The following OR1J2 variants were observed in gnomAD, a reference collection of about 807,000 sequenced individuals.
OR1J2 encodes olfactory receptor family 1 subfamily J member 2, also known as olfactory receptor 1J2.
For missense variants in OR1J2, 304 were observed against 246.1 expected (o/e 1.24, Z -1.57); for synonymous variants, 142 against 99.7 (o/e 1.42, Z -2.52).
At chr9:122,523,843 G>A in the OR1J2 span, among the ~76,000 whole-genome samples, 1 of 152,136 alleles carries the variant, frequency 6.6e-6, no homozygotes, top group African/African-American at 2.4e-5. Context: ...ATAGGCAAGG[G>A]GCACTGGGAA....
At chr9:122,569,828 C>G in the OR1J2 span, among the ~76,000 whole-genome samples, 1 of 151,262 alleles carries the variant, frequency 6.6e-6, no homozygotes, top group East Asian at 1.9e-4. Flanking sequence ...ATCCCTCCCC[C>G]CTGCCCCCAC....
At chr9:122,535,526 C>T in the OR1J2 span, among the ~76,000 whole-genome samples, 7 of 151,940 alleles carry the variant, frequency 4.6e-5, no homozygotes, top group Admixed American at 6.6e-5. Context: ...TGAAGTGTGG[C>T]GCCAAGATTG....
the OR1J2 span, among the ~76,000 whole-genome samples, chr9:122,580,094 C>CT: frequency 6.6e-6 from 1 of 152,122 alleles, no homozygotes; most frequent in Admixed American, 6.5e-5. Flanking sequence ...AAAAAGTGGA[C>CT]TTCAGCTGCC....
At chr9:122,486,542 G>A in the OR1J2 span, among the ~76,000 whole-genome samples, 1 of 152,200 alleles carries the variant, frequency 6.6e-6, no homozygotes, top group East Asian at 1.9e-4. Flanking sequence ...TGCCATGATG[G>A]TGATGTCAGT....
rs372492437 is a variant in OR1J2, at chr9:122,511,166, G to A, written c.365G>A (p.Arg122Gln). ...SFLITSMAYDRYVAICHPLHY... is the reference protein window; with the variant it reads ...SFLITSMAYDQYVAICHPLHY... ...CTTATTACATCAATGGCATATGACC[G>A]ATATGTTGCCATATGTCACCCTCTC... The change falls in exon 1 of 1, where the codon CGA becomes CAA. Residue 122 changes from arginine to glutamine, a missense_variant. Transcript: ENST00000335302. The A allele has an allele frequency of 1.2e-5, 9 of 726,216 alleles. No individual in the cohort carries two copies. The highest frequency in any genetic ancestry group is 6.2e-5 in the Admixed American group (3 of 48,094). 45.0% of individuals were successfully genotyped at this position (726,216 alleles called of 1,614,324 possible).
At chr9:122,567,340 G>A in the OR1J2 span, 1 of 432,158 alleles carries the variant, frequency 2.3e-6, no homozygotes, top group Admixed American at 3.8e-5. Flanking sequence ...CCAAGAAAGA[G>A]GAGACACAGA....
chr9:122,538,901 A>G, the OR1J2 span, among the ~76,000 whole-genome samples: 1 of 152,186 alleles, frequency 6.6e-6, no homozygotes, highest in Non-Finnish European at 1.5e-5. Flanking sequence ...ACAAGAGTTG[A>G]AAAACTACCT....
chr9:122,563,242 T>C, the OR1J2 span, among the ~76,000 whole-genome samples: 1 of 152,076 alleles, frequency 6.6e-6, no homozygotes, highest in African/African-American at 2.4e-5. Context: ...TGATATCTCA[T>C]TGTGTTTTTA....
At chr9:122,531,721 T>C in the OR1J2 span, among the ~76,000 whole-genome samples, 1 of 152,202 alleles carries the variant, frequency 6.6e-6, no homozygotes, top group Non-Finnish European at 1.5e-5. Flanking sequence ...TATAAAGGTT[T>C]CACTGAATAC....
upstream of OR1J2, among the ~76,000 whole-genome samples, chr9:122,509,988 G>T (rs1828601402): frequency 6.6e-6 from 1 of 152,140 alleles, no homozygotes; most frequent in Non-Finnish European, 1.5e-5. Flanking sequence ...ACACACTGGG[G>T]CCTGTCGGGG....
upstream of OR1J2, among the ~76,000 whole-genome samples, chr9:122,506,219 A>G (rs1209940091): frequency 1.3e-5 from 2 of 152,176 alleles, no homozygotes; most frequent in East Asian, 3.9e-4. Context: ...CTAGAAAAAC[A>G]GAGGGTAGAA....
chr9:122,464,930 CTTTTGGTTTCAG>C, the OR1J2 span, among the ~76,000 whole-genome samples: 1 of 152,122 alleles, frequency 6.6e-6, no homozygotes. Context: ...GGTAAGTGCA[CTTTTGGTTTCAG>C]TTTTGTTCTG....
At chr9:122,533,327 A>G in the OR1J2 span, among the ~76,000 whole-genome samples, 18 of 152,224 alleles carry the variant, frequency 1.2e-4, no homozygotes, top group Non-Finnish European at 2.9e-5. Flanking sequence ...CCATGCTGTA[A>G]CAGGCGAATG....
At chr9:122,498,449 G>C in the OR1J2 span, among the ~76,000 whole-genome samples, 3 of 152,192 alleles carry the variant, frequency 2.0e-5, no homozygotes, top group South Asian at 6.2e-4. Context: ...CTTATGTTTT[G>C]AAATTCTTTA....
the OR1J2 span, among the ~76,000 whole-genome samples, chr9:122,536,567 G>C: frequency 3.9e-5 from 6 of 152,198 alleles, no homozygotes; most frequent in African/African-American, 1.4e-4. Flanking sequence ...ATATCTTCCC[G>C]ACTATAGGCC....
chr9:122,568,593 A>G, the OR1J2 span: 1 of 654,346 alleles, frequency 1.5e-6, no homozygotes, highest in Non-Finnish European at 2.6e-6. Flanking sequence ...ACAATTAGCT[A>G]CTGTGCTAAT....
the OR1J2 span, chr9:122,519,795 G>A: frequency 1.2e-6 from 2 of 1,613,962 alleles, no homozygotes; most frequent in Non-Finnish European, 1.7e-6. Flanking sequence ...GATCTCTTAT[G>A]GCCACATTGG....
the OR1J2 span, among the ~76,000 whole-genome samples, chr9:122,557,782 T>C: frequency 4.6e-5 from 7 of 152,032 alleles, no homozygotes; most frequent in Admixed American, 4.6e-4. Flanking sequence ...TTGCAGAGAA[T>C]TGGCATACAT....
At chr9:122,459,458 T>C in the OR1J2 span, among the ~76,000 whole-genome samples, 9 of 152,236 alleles carry the variant, frequency 5.9e-5, no homozygotes, top group African/African-American at 1.9e-4. Context: ...TGCCCAGTAA[T>C]GGCATATTCA....
Sources: allele counts gnomAD v4.1 joint callset (sites outside exome capture counted in the v4.1 genomes callset), GRCh38; gene constraint gnomAD v4.1.1; transcripts MANE v1.5; gene names NCBI Gene and HGNC (gene_info 2026-07-23, HGNC 2026-07-21).